Variants in ELF2 observed in about 807,000 individuals in gnomAD.
ELF2 encodes ETS-related transcription factor Elf-2.
In ELF2, 11 loss-of-function variants were observed where a neutral mutation model predicts 54.8. The ratio of observed to expected loss-of-function variants is 0.20; its 90% CI spans 0.13 to 0.33. ELF2 has a LOEUF of 0.33. Among genes scored for constraint, ELF2 ranks in the 10% least tolerant of loss-of-function variants. The probability of loss-of-function intolerance (pLI) is 1.00; values close to 1 mark genes in which losing one functional copy is unlikely to be tolerated. For synonymous variants in ELF2, 203 were observed against 245.1 expected, an observed-to-expected ratio of 0.83 and a Z score of 1.61; for missense variants, 513 against 703.0, an observed-to-expected ratio of 0.73 and a Z score of 3.06.
rs1727412347 is a variant in ELF2, at chr4:139,059,032, G to C, written c.1733C>G (p.Ala578Gly). 6.2e-7 allele frequency: 1 copy of C among 1,613,700 alleles called. No individual in the cohort carries two copies. ...TTCTGTTTTCATAGTTACAGGAAGG[G>C]CAATAGCTGAAGGCGCACTGACAAC... Reference protein sequence around the residue: ...VVVVSAPSAIALPVTMKTEGL... With the variant: ...VVVVSAPSAIGLPVTMKTEGL... The change falls in exon 10 of 10, where the codon GCC (alanine) becomes GGC (glycine). Residue 578 changes from alanine (A) to glycine (G), a missense_variant. Transcript: ENST00000686138.
At position 139,127,984 on chromosome 4, in the gene ELF2, T is replaced by A. The variant is rs775567627; in HGVS notation, c.73-2655A>T. On this transcript the variant is annotated intron_variant, in intron 3 of 9. Transcript: ENST00000686138. Reference sequence around the variant, plus strand: ...GGTCTCAAAAAAAAAAAAAAAAAAATTCAGACCAGGTTCAGCGGCTCACAC... The same window carrying A: ...GGTCTCAAAAAAAAAAAAAAAAAAAATCAGACCAGGTTCAGCGGCTCACAC... Among the ~76,000 whole-genome samples, 702 of 139,954 alleles carry A rather than the reference T, an allele frequency of 5.0e-3. 2 individuals are homozygous for A. Among genetic ancestry groups the A allele is most frequent in the Non-Finnish European group, 7.9e-3 (513 of 64,700 alleles). The allele number at this position is 139,954 out of a possible 152,430, so 91.8% of individuals were successfully genotyped here.
At chr4:139,077,265 C>T (rs1730439553) in intron 4 of ELF2, among the ~76,000 whole-genome samples, 1 of 152,158 alleles carries the variant, frequency 6.6e-6, no homozygotes, top group African/African-American at 2.4e-5. Context: ...CTTTAATGAG[C>T]ACTTCGAGTG....
rs753445850 is a variant in ELF2, at chr4:139,073,488, T to G, written c.318A>C (p.Glu106Asp). The change falls in exon 5 of 10, where the codon GAA becomes GAC. Residue 106 changes from glutamate (E) to aspartate (D), a missense_variant. This residue lies in a region of ELF2 where 203 missense variants were observed against 245.9 expected (regional missense o/e 0.83). Coordinates refer to ENST00000686138, the MANE Select transcript of ELF2 (RefSeq NM_001331036.3). ...TTGAATCCCTCAAGCAGGTAGGAGA[T>G]TCCATATGAAGCAGGGCTTCAGCAG... ...IEAAEALLHM[E>D]SPTCLRDSRS... The G allele has an allele frequency of 1.2e-5, 20 of 1,608,920 alleles. No homozygotes were observed. In the South Asian group the frequency reaches 1.3e-4, roughly 11 times the overall value.
intron 4 of ELF2, among the ~76,000 whole-genome samples, chr4:139,092,630 C>T (rs1208446941): frequency 6.6e-6 from 1 of 151,744 alleles, no homozygotes; most frequent in Non-Finnish European, 1.5e-5. Flanking sequence ...GAAACCACGT[C>T]TCTACTAAAA....
chr4:139,093,568 C>A (rs1732910208), intron 4 of ELF2, among the ~76,000 whole-genome samples: 2 of 152,048 alleles, frequency 1.3e-5, no homozygotes, highest in Non-Finnish European at 2.9e-5. Flanking sequence ...TAAAGCAACG[C>A]GAAGCAAAAT....
chr4:139,159,984 T>C (rs1740952245), intron 1 of ELF2, among the ~76,000 whole-genome samples: 1 of 152,180 alleles, frequency 6.6e-6, no homozygotes, highest in South Asian at 2.1e-4. Context: ...TTTGGCTTAC[T>C]GAGAGGTAGT....
chr4:139,073,439 G>A lies in ELF2; in HGVS notation c.352+15C>T, dbSNP rs776753372. On this transcript the variant is annotated intron_variant, in intron 5 of 9. Transcript: ENST00000686138. ...AGTATGACACGTTTAACATAAGAATGAACAGTTTACATACCAGGACTTCTT... is the reference window on the plus strand; with the variant it reads ...AGTATGACACGTTTAACATAAGAATAAACAGTTTACATACCAGGACTTCTT... 2 of 1,555,046 alleles carry A rather than the reference G, an allele frequency of 1.3e-6. No homozygotes were observed. The highest frequency in any genetic ancestry group is 1.7e-6 in the Non-Finnish European group (2 of 1,143,990).
chr4:139,166,941 TCTTTA>T (rs1382313460), intron 1 of ELF2, among the ~76,000 whole-genome samples: 2 of 152,240 alleles, frequency 1.3e-5, no homozygotes, highest in East Asian at 1.9e-4. Context: ...CACTGTTGGT[TCTTTA>T]CTTAAATGTT....
intron 2 of ELF2, among the ~76,000 whole-genome samples, chr4:139,138,603 ATTC>A (rs1220823002): frequency 6.6e-6 from 1 of 152,288 alleles, no homozygotes; most frequent in East Asian, 1.9e-4. Context: ...TAAATATTTC[ATTC>A]TTCTTCTTTG....
At chr4:139,084,742 TG>T (rs1251618070) in intron 4 of ELF2, among the ~76,000 whole-genome samples, 1 of 152,236 alleles carries the variant, frequency 6.6e-6, no homozygotes, top group African/African-American at 2.4e-5. Flanking sequence ...GTCCTGCAGC[TG>T]TAAATAAAGG....
chr4:139,157,739 C>T (rs902070800), intron 1 of ELF2, among the ~76,000 whole-genome samples: 1 of 152,138 alleles, frequency 6.6e-6, no homozygotes, highest in Admixed American at 6.6e-5. Context: ...TTATCAGGCA[C>T]GTTTTGACAC....
intron 4 of ELF2, among the ~76,000 whole-genome samples, chr4:139,118,176 A>C (rs969512009): frequency 6.6e-6 from 1 of 152,194 alleles, no homozygotes; most frequent in Non-Finnish European, 1.5e-5. Context: ...CTCCGTCTTC[A>C]AGGTGCTTAT....
chr4:139,162,963 T>C (rs1741325973), intron 1 of ELF2, among the ~76,000 whole-genome samples: 1 of 152,014 alleles, frequency 6.6e-6, no homozygotes, highest in South Asian at 2.1e-4. Context: ...CCAGGCATGG[T>C]AGCATGCTCC....
At chr4:139,125,779 C>CAAAAAAAA (rs367767700) in intron 3 of ELF2, among the ~76,000 whole-genome samples, 1 of 96,566 alleles carries the variant, frequency 1.0e-5, no homozygotes, top group South Asian at 3.7e-4. Flanking sequence ...AGTCTGGCAG[C>CAAAAAAAA]AAAAAAAAAA....
At chr4:139,104,123 A>G (rs1734175201) in intron 4 of ELF2, among the ~76,000 whole-genome samples, 1 of 152,232 alleles carries the variant, frequency 6.6e-6, no homozygotes, top group Non-Finnish European at 1.5e-5. Context: ...TCATTTAAAA[A>G]CAAAAACAAA....
At chr4:139,097,271 C>T (rs553448624) in intron 4 of ELF2, among the ~76,000 whole-genome samples, 4 of 152,224 alleles carry the variant, frequency 2.6e-5, no homozygotes, top group Admixed American at 2.0e-4. Flanking sequence ...TCAGGTGGTT[C>T]TCCCATCTCA....
chr4:139,110,710 G>A (rs1285363678), intron 4 of ELF2, among the ~76,000 whole-genome samples: 1 of 151,230 alleles, frequency 6.6e-6, no homozygotes, highest in Non-Finnish European at 1.5e-5. Context: ...CTGCTTAGGA[G>A]CTATGATTTG....
intron 1 of ELF2, among the ~76,000 whole-genome samples, chr4:139,174,096 T>C (rs1191271033): frequency 1.3e-5 from 2 of 149,456 alleles, no homozygotes; most frequent in Non-Finnish European, 3.0e-5. Flanking sequence ...AGCCAGGTGT[T>C]GTGGCATGCG....
At position 139,114,829 on chromosome 4, in the gene ELF2, C is replaced by T. The variant is rs1159118172; in HGVS notation, c.238+10335G>A. 7.6e-6 allele frequency: 12 copies of T among 1,577,190 alleles called. No homozygotes were observed. The East Asian group carries it at 2.7e-4, about 35-fold the overall frequency. On this transcript the variant is annotated intron_variant, in intron 4 of 9. Transcript: ENST00000686138. ...GGGGCACGAGGAGCCCTGCTCATGG[C>T]ACCAGGCCTGGCCGCAGGGTCCCCC...
Sources: allele counts gnomAD v4.1 joint callset (sites outside exome capture counted in the v4.1 genomes callset), GRCh38; gene constraint gnomAD v4.1.1; regional missense constraint gnomAD v4.1.1; transcripts MANE v1.5; gene names NCBI Gene and HGNC (gene_info 2026-07-23, HGNC 2026-07-21).